YES1: variants seen among roughly 807,000 people sequenced by gnomAD.
YES1 encodes tyrosine-protein kinase Yes.
In YES1, 39 loss-of-function variants were observed where a neutral mutation model predicts 70.4. The ratio of observed to expected loss-of-function variants is 0.55; its 90% CI spans 0.43 to 0.72. The LOEUF is 0.72. YES1 is among the 30% of genes least tolerant of loss of function. The probability of loss-of-function intolerance (pLI) is 0.00; values close to 1 mark genes in which losing one functional copy is unlikely to be tolerated. For missense variants in YES1, 495 were observed against 644.8 expected, an observed-to-expected ratio of 0.77 and a Z score of 2.52; for synonymous variants, 198 against 218.6, an observed-to-expected ratio of 0.91 and a Z score of 0.83.
At chr18:796,850 G>A (rs1157729374) in intron 1 of YES1, among the ~76,000 whole-genome samples, 1 of 152,064 alleles carries the variant, frequency 6.6e-6, no homozygotes, top group South Asian at 2.1e-4. Context: ...ACACTAAAAG[G>A]TGGCATTTTG....
At chr18:773,753 C>T (rs895545231) in intron 1 of YES1, among the ~76,000 whole-genome samples, 1 of 152,126 alleles carries the variant, frequency 6.6e-6, no homozygotes, top group Non-Finnish European at 1.5e-5. Context: ...ACTTAAAATA[C>T]AATCTGATCC....
chr18:799,811 G>C (rs1018093126), intron 1 of YES1, among the ~76,000 whole-genome samples: 2 of 152,136 alleles, frequency 1.3e-5, no homozygotes, highest in Non-Finnish European at 2.9e-5. Flanking sequence ...TGAGGTGAGA[G>C]GATCACTTGA....
intron 1 of YES1, 45 bp from the exon 2 acceptor site, chr18:756,880 AT>A: frequency 6.5e-7 from 1 of 1,529,974 alleles, no homozygotes; most frequent in Non-Finnish European, 8.8e-7. Context: ...AACACACAGG[AT>A]ACTTCAAAAA....
chr18:807,382 C>G (rs920189727), intron 1 of YES1, among the ~76,000 whole-genome samples: 1 of 151,778 alleles, frequency 6.6e-6, no homozygotes, highest in African/African-American at 2.4e-5. Context: ...ACCTGTGGTC[C>G]GAGCTACTCA....
chr18:761,553 A>G (rs1904595316), intron 1 of YES1, among the ~76,000 whole-genome samples: 1 of 152,086 alleles, frequency 6.6e-6, no homozygotes, highest in Non-Finnish European at 1.5e-5. Context: ...TCCTTTACCC[A>G]TAACCATCTT....
chr18:726,497 C>G (rs1358661581), intron 11 of YES1, among the ~76,000 whole-genome samples: 1 of 150,748 alleles, frequency 6.6e-6, no homozygotes, highest in African/African-American at 2.4e-5. Flanking sequence ...TTATTTGATG[C>G]CAGCTGGGCA....
chr18:791,872 T>C (rs1906269062), intron 1 of YES1, among the ~76,000 whole-genome samples: 1 of 151,856 alleles, frequency 6.6e-6, no homozygotes, highest in Non-Finnish European at 1.5e-5. Flanking sequence ...CTGACCAACA[T>C]GGTGAAACCC....
At chr18:775,331 A>G (rs1353713845) in intron 1 of YES1, 2 of 152,262 alleles carry the variant, frequency 1.3e-5, no homozygotes, top group African/African-American at 4.8e-5. Flanking sequence ...TAAATGTACA[A>G]GTGAATGAAT....
intron 9 of YES1, among the ~76,000 whole-genome samples, chr18:737,868 G>A (rs1181655767): frequency 6.6e-6 from 1 of 152,020 alleles, no homozygotes; most frequent in Non-Finnish European, 1.5e-5. Context: ...TTAGGCATGC[G>A]ACACCACACC....
At chr18:742,496 G>A (rs2080227632) in intron 8 of YES1, among the ~76,000 whole-genome samples, 1 of 150,636 alleles carries the variant, frequency 6.6e-6, no homozygotes, top group African/African-American at 2.4e-5. Context: ...GGGGAAAAAA[G>A]TTCCTAGAAG....
chr18:810,819 A>G (rs1907335764), intron 1 of YES1, among the ~76,000 whole-genome samples: 1 of 152,226 alleles, frequency 6.6e-6, no homozygotes, highest in African/African-American at 2.4e-5. Flanking sequence ...ATTATTTGCT[A>G]AAGTAAAACT....
intron 1 of YES1, among the ~76,000 whole-genome samples, chr18:803,486 T>C (rs1478199230): frequency 6.6e-6 from 1 of 152,228 alleles, no homozygotes; most frequent in Non-Finnish European, 1.5e-5. Context: ...AACCCTTTTC[T>C]ACTATTTTTG....
At chr18:804,446 TA>T (rs1421984087) in intron 1 of YES1, among the ~76,000 whole-genome samples, 1 of 150,980 alleles carries the variant, frequency 6.6e-6, no homozygotes, top group African/African-American at 2.4e-5. Flanking sequence ...CCATCTCTAC[TA>T]AAAATAAGAA....
chr18:811,112 A>T (rs1367969681), intron 1 of YES1, among the ~76,000 whole-genome samples: 1 of 152,200 alleles, frequency 6.6e-6, no homozygotes, highest in African/African-American at 2.4e-5. Context: ...CTGTAATCTT[A>T]CAGTTATAAT....
At chr18:785,437 T>C (rs1362967837) in intron 1 of YES1, among the ~76,000 whole-genome samples, 1 of 152,092 alleles carries the variant, frequency 6.6e-6, no homozygotes, top group Admixed American at 6.6e-5. Context: ...GAGAAACAAG[T>C]AAAGCTGGGC....
intron 1 of YES1, among the ~76,000 whole-genome samples, chr18:788,272 A>G (rs532274739): frequency 6.6e-6 from 1 of 152,304 alleles, no homozygotes; most frequent in East Asian, 1.9e-4. Context: ...CTATTTTCAT[A>G]TTACATGGGG....
chr18:760,763 AAAGTCTTTT>A (rs1904550905), intron 1 of YES1, among the ~76,000 whole-genome samples: 1 of 152,226 alleles, frequency 6.6e-6, no homozygotes, highest in Non-Finnish European at 1.5e-5. Flanking sequence ...TAAAGTTGGA[AAAGTCTTTT>A]AAAGTATAAA....
At chr18:777,471 T>C (rs1905438735) in intron 1 of YES1, among the ~76,000 whole-genome samples, 1 of 152,194 alleles carries the variant, frequency 6.6e-6, no homozygotes, top group African/African-American at 2.4e-5. Flanking sequence ...ATAAGTCATA[T>C]GAAAAATTTT....
At chr18:793,102 C>T (rs1302121744) in intron 1 of YES1, among the ~76,000 whole-genome samples, 3 of 148,398 alleles carry the variant, frequency 2.0e-5, no homozygotes, top group African/African-American at 7.5e-5. Flanking sequence ...TGCAGTGGTG[C>T]GATCTGGGCT....
Sources: gnomAD v4.1 joint callset for allele counts (sites outside exome capture counted in the v4.1 genomes callset) on GRCh38, gnomAD v4.1.1 for gene constraint, MANE v1.5 for transcripts, NCBI Gene and HGNC (gene_info 2026-07-23, HGNC 2026-07-21) for gene names.